ANKRD44: variants seen among roughly 807,000 people sequenced by gnomAD.
The protein encoded by ANKRD44 is serine/threonine-protein phosphatase 6 regulatory ankyrin repeat subunit B.
ANKRD44 carries 35 observed loss-of-function variants against 116.0 expected under a neutral mutation model. That is an observed-to-expected ratio of 0.30 (90% CI 0.23 to 0.40). The LOEUF (loss-of-function observed/expected upper bound fraction) is 0.40, where lower values mean the gene tolerates loss of function less well. Ranked by LOEUF, ANKRD44 falls within the 10% of genes least tolerant of loss-of-function variation. ANKRD44 has a pLI of 1.00. For missense variants in ANKRD44, 1,014 were observed against 1,242.6 expected, an observed-to-expected ratio of 0.82 and a Z score of 2.77; for synonymous variants, 435 against 461.8, an observed-to-expected ratio of 0.94 and a Z score of 0.74.
intron 1 of ANKRD44, among the ~76,000 whole-genome samples, chr2:197,197,394 C>A (rs1340487787): frequency 9.2e-5 from 14 of 152,220 alleles, no homozygotes. Flanking sequence ...TCTTTACACA[C>A]TACCCCCTCC....
At chr2:197,239,183 C>T (rs931498339) in intron 1 of ANKRD44, among the ~76,000 whole-genome samples, 3 of 152,292 alleles carry the variant, frequency 2.0e-5, no homozygotes, top group Admixed American at 6.5e-5. Flanking sequence ...GAAATTTCCA[C>T]ATAAATCCTC....
At chr2:197,161,240 C>T (rs1265516165) in intron 2 of ANKRD44, among the ~76,000 whole-genome samples, 1 of 151,994 alleles carries the variant, frequency 6.6e-6, no homozygotes, top group Non-Finnish European at 1.5e-5. Context: ...GAAGATAAGG[C>T]ATATGGGAGA....
intron 16 of ANKRD44, among the ~76,000 whole-genome samples, chr2:197,064,596 G>A (rs1235622034): frequency 1.3e-5 from 2 of 152,142 alleles, no homozygotes; most frequent in African/African-American, 4.8e-5. Flanking sequence ...AAAATAAAGG[G>A]ATGGAGGAAG....
intron 3 of ANKRD44, among the ~76,000 whole-genome samples, chr2:197,139,511 A>C (rs2079304098): frequency 6.6e-6 from 1 of 152,200 alleles, no homozygotes; most frequent in African/African-American, 2.4e-5. Flanking sequence ...AAGGAGTATA[A>C]ATACTAATTC....
At chr2:197,110,214 T>A (rs1165582548) in intron 9 of ANKRD44, among the ~76,000 whole-genome samples, 3 of 152,122 alleles carry the variant, frequency 2.0e-5, no homozygotes, top group Non-Finnish European at 4.4e-5. Flanking sequence ...TGACCTCAGG[T>A]GATCTGCCCA....
intron 1 of ANKRD44, among the ~76,000 whole-genome samples, chr2:197,227,662 G>C (rs141516627): frequency 8.0e-4 from 121 of 152,196 alleles, no homozygotes; most frequent in Non-Finnish European, 1.6e-3. Context: ...TGAGAATAAG[G>C]CATCAGAACA....
chr2:197,036,755 T>C (rs961797481), intron 16 of ANKRD44, among the ~76,000 whole-genome samples: 15 of 152,258 alleles, frequency 9.9e-5, no homozygotes, highest in Admixed American at 2.6e-4. Flanking sequence ...ACTGTGAAAA[T>C]AGATCCGAAT....
chr2:197,154,070 A>C (rs2079735529), intron 2 of ANKRD44, among the ~76,000 whole-genome samples: 1 of 152,234 alleles, frequency 6.6e-6, no homozygotes, highest in Non-Finnish European at 1.5e-5. Flanking sequence ...GGTATCCCTA[A>C]ATAACTTCCA....
At chr2:197,022,279 G>GT (rs2076512001) in intron 17 of ANKRD44, among the ~76,000 whole-genome samples, 1 of 152,150 alleles carries the variant, frequency 6.6e-6, no homozygotes, top group Non-Finnish European at 1.5e-5. Flanking sequence ...GGAATCCACC[G>GT]TAATCACCCT....
chr2:197,188,324 C>A (rs1004024323), intron 1 of ANKRD44, among the ~76,000 whole-genome samples: 8 of 152,046 alleles, frequency 5.3e-5, no homozygotes, highest in African/African-American at 1.9e-4. Flanking sequence ...AAGGAAGGCA[C>A]CTTAATGAAT....
intron 2 of ANKRD44, among the ~76,000 whole-genome samples, chr2:197,178,749 T>C (rs945206990): frequency 6.6e-6 from 1 of 152,236 alleles, no homozygotes; most frequent in Non-Finnish European, 1.5e-5. Context: ...AGAAATATTT[T>C]CCCCTTTTTG....
At chr2:197,107,830 C>T (rs1279862571) in intron 9 of ANKRD44, among the ~76,000 whole-genome samples, 1 of 152,154 alleles carries the variant, frequency 6.6e-6, no homozygotes. Context: ...AGTGTCCCAG[C>T]AACAGCCCAA....
At position 197,201,249 on chromosome 2, in the gene ANKRD44, C is replaced by T. The variant is rs963723476; in HGVS notation, c.28-14143G>A. On this transcript the variant is annotated intron_variant, in intron 1 of 27. Transcript: ENST00000282272. The surrounding 1 kb of genome is among the most constrained non-coding windows in gnomAD (Gnocchi z 4.0). ...TCCCAGAATGTTCATGTGAAGGGCACGTGTGAAGACATAATCTTGACAGTC... is the reference window on the plus strand; with the variant it reads ...TCCCAGAATGTTCATGTGAAGGGCATGTGTGAAGACATAATCTTGACAGTC... Among the ~76,000 whole-genome samples the T allele has an allele frequency of 1.3e-5, 2 of 152,098 alleles. No individual in the cohort carries two copies. The highest frequency in any genetic ancestry group is 2.9e-5 in the Non-Finnish European group (2 of 68,018).
intron 1 of ANKRD44, among the ~76,000 whole-genome samples, chr2:197,200,853 T>C (rs1435292535): frequency 6.6e-6 from 1 of 152,268 alleles, no homozygotes; most frequent in Non-Finnish European, 1.5e-5. Flanking sequence ...ACTACAGTGT[T>C]GGTCTTTCAC....
intron 16 of ANKRD44, among the ~76,000 whole-genome samples, chr2:197,063,459 C>G (rs1331009308): frequency 6.6e-6 from 1 of 152,214 alleles, no homozygotes; most frequent in Non-Finnish European, 1.5e-5. Flanking sequence ...CGGAGAACGA[C>G]TTTGACGAGT....
chr2:197,019,356 A>G (rs911940935), intron 17 of ANKRD44, among the ~76,000 whole-genome samples: 3 of 152,218 alleles, frequency 2.0e-5, no homozygotes, highest in African/African-American at 7.2e-5. Context: ...ACAGGATAGT[A>G]AGTCTCTATT....
intron 1 of ANKRD44, among the ~76,000 whole-genome samples, chr2:197,307,351 G>A (rs1465346542): frequency 6.6e-6 from 1 of 152,076 alleles, no homozygotes; most frequent in African/African-American, 2.4e-5. Flanking sequence ...AATTTTCCCG[G>A]TTTTAGCCCC....
At chr2:197,101,935 A>G (rs1039962775) in intron 9 of ANKRD44, among the ~76,000 whole-genome samples, 5 of 152,134 alleles carry the variant, frequency 3.3e-5, no homozygotes, top group Non-Finnish European at 5.9e-5. Flanking sequence ...TCAAAAGTCA[A>G]AAGTCATATT....
At chr2:197,194,143 G>A (rs1163979020) in intron 1 of ANKRD44, among the ~76,000 whole-genome samples, 1 of 152,172 alleles carries the variant, frequency 6.6e-6, no homozygotes, top group Non-Finnish European at 1.5e-5. Context: ...CACCTCTAAA[G>A]CAGAGGGGCC....
Sources: gnomAD v4.1 joint callset for allele counts (sites outside exome capture counted in the v4.1 genomes callset) on GRCh38, gnomAD v4.1.1 for gene constraint, Gnocchi (gnomAD v3.1) non-coding constraint, MANE v1.5 for transcripts, NCBI Gene and HGNC (gene_info 2026-07-23, HGNC 2026-07-21) for gene names.